Variants in SMOC2 observed in about 807,000 individuals in gnomAD.
The protein encoded by SMOC2 is SPARC-related modular calcium-binding protein 2.
SMOC2 carries 39 observed loss-of-function variants against 61.4 expected under a neutral mutation model. The ratio of observed to expected loss-of-function variants is 0.64; its 90% CI spans 0.49 to 0.83. SMOC2 has a LOEUF of 0.83. Among genes scored for constraint, SMOC2 ranks in the 40% least tolerant of loss-of-function variants. The pLI is 0.00. For synonymous variants in SMOC2, 247 were observed against 239.9 expected, an observed-to-expected ratio of 1.03 and a Z score of -0.27; for missense variants, 556 against 592.9, an observed-to-expected ratio of 0.94 and a Z score of 0.65.
intron 7 of SMOC2, among the ~76,000 whole-genome samples, chr6:168,562,923 C>T (rs1784454210): frequency 6.6e-6 from 1 of 152,228 alleles, no homozygotes; most frequent in Non-Finnish European, 1.5e-5. Flanking sequence ...CTAAAAGCTC[C>T]AGCCTAGAAT....
intron 7 of SMOC2, among the ~76,000 whole-genome samples, chr6:168,578,720 C>T (rs1203564735): frequency 6.6e-6 from 1 of 152,224 alleles, no homozygotes; most frequent in African/African-American, 2.4e-5. Flanking sequence ...AACGTAGCAG[C>T]TTTCTAACCT....
intron 1 of SMOC2, among the ~76,000 whole-genome samples, chr6:168,458,323 C>T (rs920565896): frequency 6.6e-6 from 1 of 151,492 alleles, no homozygotes; most frequent in Non-Finnish European, 1.5e-5. Context: ...CTGGGGGCAT[C>T]GTGCTGCCTG....
chr6:168,624,603 CACAG>C (rs1305084133), intron 9 of SMOC2, among the ~76,000 whole-genome samples: 5 of 110,996 alleles, frequency 4.5e-5, no homozygotes, highest in African/African-American at 1.7e-4. Flanking sequence ...CACAGATGTG[CACAG>C]ACACACAGAG....
chr6:168,641,334 G>T (rs1459855223), intron 9 of SMOC2, among the ~76,000 whole-genome samples: 1 of 152,096 alleles, frequency 6.6e-6, no homozygotes, highest in Non-Finnish European at 1.5e-5. Context: ...ACACTCTACA[G>T]CACTGACGTC....
At chr6:168,536,240 C>T (rs1387839633) in intron 4 of SMOC2, among the ~76,000 whole-genome samples, 2 of 152,182 alleles carry the variant, frequency 1.3e-5, no homozygotes, top group African/African-American at 2.4e-5. Context: ...CATCTCAACA[C>T]GGGATCCTAG....
chr6:168,600,494 C>T (rs144073156), intron 8 of SMOC2, among the ~76,000 whole-genome samples: 5 of 151,942 alleles, frequency 3.3e-5, no homozygotes, highest in South Asian at 4.1e-4. Flanking sequence ...CTTTGATGGC[C>T]TCCAAAAGCA....
intron 4 of SMOC2, among the ~76,000 whole-genome samples, chr6:168,542,768 A>C (rs551149642): frequency 2.0e-5 from 3 of 152,308 alleles, no homozygotes; most frequent in Admixed American, 1.3e-4. Context: ...TGCATTTCCC[A>C]AAAATAAGAT....
At chr6:168,571,111 T>C (rs1181025873) in intron 7 of SMOC2, among the ~76,000 whole-genome samples, 1 of 152,190 alleles carries the variant, frequency 6.6e-6, no homozygotes, top group Admixed American at 6.5e-5. Context: ...CCCCCGAGCA[T>C]GGACCGCTGT....
chr6:168,648,896 A>G (rs1271733021), intron 9 of SMOC2, among the ~76,000 whole-genome samples: 1 of 152,218 alleles, frequency 6.6e-6, no homozygotes, highest in Non-Finnish European at 1.5e-5. Flanking sequence ...CTAACTGCAT[A>G]AACAGGCTGG....
At chr6:168,496,590 C>T (rs185067672) in intron 1 of SMOC2, among the ~76,000 whole-genome samples, 74 of 152,296 alleles carry the variant, frequency 4.9e-4, no homozygotes, top group African/African-American at 1.4e-3. Context: ...AGTTCTGTCC[C>T]GAGAGGTCCT....
intron 1 of SMOC2, among the ~76,000 whole-genome samples, chr6:168,473,335 C>T (rs182936396): frequency 5.9e-5 from 9 of 152,312 alleles, no homozygotes; most frequent in East Asian, 3.9e-4. Context: ...GCAGGGACTG[C>T]GGGCACTGCC....
At chr6:168,591,068 AAGTT>A (rs1562366393) in intron 7 of SMOC2, among the ~76,000 whole-genome samples, 1 of 152,264 alleles carries the variant, frequency 6.6e-6, no homozygotes, top group African/African-American at 2.4e-5. Context: ...ATTTCTATAA[AAGTT>A]AGAATTTATA....
intron 4 of SMOC2, among the ~76,000 whole-genome samples, chr6:168,538,916 G>A (rs976757692): frequency 2.0e-5 from 3 of 152,076 alleles, no homozygotes; most frequent in East Asian, 1.9e-4. Flanking sequence ...CCACATCCCC[G>A]GAGTCCTCAG....
chr6:168,650,825 C>T, intron 10 of SMOC2, 42 bp downstream of exon 10: 1 of 1,559,948 alleles, frequency 6.4e-7, no homozygotes, highest in Non-Finnish European at 8.7e-7. Flanking sequence ...GGCAGGGTCC[C>T]AGAATTCTGG....
chr6:168,491,079 T>C (rs1273227233), intron 1 of SMOC2, among the ~76,000 whole-genome samples: 1 of 151,694 alleles, frequency 6.6e-6, no homozygotes, highest in Non-Finnish European at 1.5e-5. Flanking sequence ...AAGGTGACCC[T>C]GTAGGACTCT....
chr6:168,490,938 C>T (rs1488345420), intron 1 of SMOC2, among the ~76,000 whole-genome samples: 3 of 152,082 alleles, frequency 2.0e-5, no homozygotes, highest in Non-Finnish European at 2.9e-5. Flanking sequence ...CTGGGGGCAG[C>T]GGGGGCGGCT....
At chr6:168,484,188 A>G (rs536282362) in intron 1 of SMOC2, among the ~76,000 whole-genome samples, 1 of 152,216 alleles carries the variant, frequency 6.6e-6, no homozygotes, top group Non-Finnish European at 1.5e-5. Context: ...TGTAAATCAT[A>G]TATCTGACAA....
intron 11 of SMOC2, among the ~76,000 whole-genome samples, chr6:168,663,227 A>T (rs371504688): frequency 6.6e-6 from 1 of 152,316 alleles, no homozygotes; most frequent in South Asian, 2.1e-4. Flanking sequence ...GCAAGCGTGG[A>T]AGCTGAGCTG....
chr6:168,594,958 TCTC>T (rs1785276602), intron 7 of SMOC2, among the ~76,000 whole-genome samples: 1 of 32,966 alleles, frequency 3.0e-5, no homozygotes. Context: ...TTCTAGAGGA[TCTC>T]CGAGCTCCTC....
Sources: allele counts gnomAD v4.1 joint callset (sites outside exome capture counted in the v4.1 genomes callset), GRCh38; gene constraint gnomAD v4.1.1; transcripts MANE v1.5; gene names NCBI Gene and HGNC (gene_info 2026-07-23, HGNC 2026-07-21).